The following NIPAL3 variants were observed in gnomAD, a reference collection of about 807,000 sequenced individuals.
NIPAL3 encodes the protein NIPA-like protein 3.
In NIPAL3, 41 loss-of-function variants were observed where a neutral mutation model predicts 47.2. The observed-to-expected ratio is 0.87, with a 90% CI of 0.68 to 1.13. NIPAL3 has a LOEUF of 1.13. Ranked by LOEUF, NIPAL3 falls within the 50% of genes most tolerant of loss-of-function variation. NIPAL3 has a pLI of 0.00. For missense variants in NIPAL3, 449 were observed against 530.1 expected, an observed-to-expected ratio of 0.85 and a Z score of 1.50; for synonymous variants, 194 against 209.6, an observed-to-expected ratio of 0.93 and a Z score of 0.64.
At chr1:24,448,102 A>G (rs1469013179) in intron 5 of NIPAL3, among the ~76,000 whole-genome samples, 3 of 152,180 alleles carry the variant, frequency 2.0e-5, no homozygotes, top group Non-Finnish European at 1.5e-5. Flanking sequence ...CCGTTTTTTG[A>G]GCACCTCCTA....
chr1:24,462,701 A>G (rs1239657972), intron 10 of NIPAL3, among the ~76,000 whole-genome samples: 3 of 152,192 alleles, frequency 2.0e-5, no homozygotes, highest in African/African-American at 7.2e-5. Context: ...CGAGCGGCAG[A>G]GGTTGCAGTG....
chr1:24,456,418 T>TTTGCTGAGTTGTCACC, intron 8 of NIPAL3, 145 bp downstream of exon 8: 1 of 1,198,446 alleles, frequency 8.3e-7, no homozygotes, highest in Non-Finnish European at 1.2e-6. Flanking sequence ...GAGCTGCTAA[T>TTTGCTGAGTTGTCACC]TTGCTGAGTT....
chr1:24,441,738 C>T (rs887587486), intron 3 of NIPAL3, among the ~76,000 whole-genome samples: 1 of 152,178 alleles, frequency 6.6e-6, no homozygotes, highest in East Asian at 1.9e-4. Context: ...TTGCCTGTGA[C>T]GTGCATTAGA....
intron 8 of NIPAL3, among the ~76,000 whole-genome samples, chr1:24,458,522 T>C (rs911257155): frequency 4.7e-5 from 7 of 148,522 alleles, no homozygotes; most frequent in African/African-American, 1.8e-4. Context: ...TAAGAGTTTC[T>C]GGGGGCAGGG....
chr1:24,425,705 A>T (rs1479697097), intron 2 of NIPAL3, among the ~76,000 whole-genome samples: 1 of 152,130 alleles, frequency 6.6e-6, no homozygotes, highest in Non-Finnish European at 1.5e-5. Flanking sequence ...GTTATTTTCT[A>T]GCATTATAAC....
intron 2 of NIPAL3, among the ~76,000 whole-genome samples, chr1:24,425,826 C>A (rs1405179647): frequency 6.6e-6 from 1 of 152,162 alleles, no homozygotes; most frequent in Non-Finnish European, 1.5e-5. Flanking sequence ...GCCTGCACCA[C>A]CCCCTGCTTC....
intron 11 of NIPAL3, among the ~76,000 whole-genome samples, chr1:24,468,595 C>T (rs1389620186): frequency 6.6e-6 from 1 of 152,164 alleles, no homozygotes; most frequent in Non-Finnish European, 1.5e-5. Flanking sequence ...ACCCTCTTTC[C>T]TCGACAGTGT....
In NIPAL3 at chr1:24,456,148, A is replaced by G. The variant is rs555660858; in HGVS notation, c.648A>G (p.Thr216=). ...LLLVALLGSM[T]VVTVKAVAGM... is the part of the protein sequence containing the mutation. ...GTCTCCCATCTGCAGGCTCCATGACAGTGGTGACAGTCAAGGCCGTGGCTG... is the reference window on the plus strand; with the variant it reads ...GTCTCCCATCTGCAGGCTCCATGACGGTGGTGACAGTCAAGGCCGTGGCTG... Residue 216 remains threonine (T), a synonymous_variant, in exon 8 of 12, where the codon ACA becomes ACG. Transcript: ENST00000374399. 3 of 1,614,198 alleles carry G rather than the reference A, an allele frequency of 1.9e-6. No individual in the cohort carries two copies. In the East Asian group the frequency reaches 6.7e-5, roughly 36 times the overall value.
rs545243187 is a variant in NIPAL3, at chr1:24,455,508, G to A, written c.638-630G>A. Among the ~76,000 whole-genome samples, 5 of 152,152 alleles carry A rather than the reference G, an allele frequency of 3.3e-5. 1 individual carries two copies. In the South Asian group the frequency reaches 1.0e-3, roughly 32 times the overall value. On this transcript the variant is annotated intron_variant, in intron 7 of 11. Transcript: ENST00000374399. ...CAGGGGTGTGCATTCCAAAACACTG[G>A]AGAAATGTTTTTAAAAATACAAGTG...
At chr1:24,457,899 C>A in intron 8 of NIPAL3, 1 of 480,784 alleles carries the variant, frequency 2.1e-6, no homozygotes. Flanking sequence ...ATTTTTGGTC[C>A]CACTACAACA....
intron 2 of NIPAL3, among the ~76,000 whole-genome samples, chr1:24,435,322 A>G (rs1172282772): frequency 6.6e-6 from 1 of 152,256 alleles, no homozygotes; most frequent in East Asian, 1.9e-4. Context: ...AAATCTTAGA[A>G]GAAAATAAAG....
chr1:24,437,841 G>A (rs557031539), intron 2 of NIPAL3, among the ~76,000 whole-genome samples: 65 of 152,238 alleles, frequency 4.3e-4, no homozygotes, highest in African/African-American at 1.5e-3. Flanking sequence ...GGGAGGGGGC[G>A]GAGGAGAGTC....
chr1:24,444,730 G>A (rs186663986), intron 4 of NIPAL3, among the ~76,000 whole-genome samples: 4 of 152,204 alleles, frequency 2.6e-5, no homozygotes, highest in South Asian at 4.2e-4. Context: ...GGAAAGAGCC[G>A]GGGGAAATGT....
chr1:24,413,537 C>T (rs1366963000), upstream of NIPAL3: 2 of 152,348 alleles, frequency 1.3e-5, no homozygotes, highest in Non-Finnish European at 2.9e-5. Context: ...GGGGCTCCAC[C>T]TAGCTCAGCC....
intron 4 of NIPAL3, among the ~76,000 whole-genome samples, chr1:24,443,928 A>G (rs1431709241): frequency 2.0e-5 from 3 of 152,104 alleles, no homozygotes; most frequent in Non-Finnish European, 4.4e-5. Context: ...AGGGCTCCCA[A>G]ACCTTTTTCA....
At chr1:24,455,157 A>G (rs918169372) in intron 7 of NIPAL3, among the ~76,000 whole-genome samples, 1 of 152,216 alleles carries the variant, frequency 6.6e-6, no homozygotes, top group Non-Finnish European at 1.5e-5. Flanking sequence ...AGAATAGGAA[A>G]GCAAAGCACA....
chr1:24,467,813 G>A (rs1175984266), intron 11 of NIPAL3, among the ~76,000 whole-genome samples: 3 of 151,898 alleles, frequency 2.0e-5, no homozygotes, highest in Non-Finnish European at 4.4e-5. Flanking sequence ...AGGATCATTT[G>A]AGCCCCAGGT....
intron 3 of NIPAL3, 29 bp from the exon 4 acceptor site, chr1:24,442,026 G>A (rs1174710103): frequency 6.2e-7 from 1 of 1,607,972 alleles, no homozygotes; most frequent in South Asian, 1.1e-5. Flanking sequence ...AAACATCTGA[G>A]CAAATTGCAT....
chr1:24,453,284 G>A (rs927216509), intron 6 of NIPAL3, 124 bp from the exon 7 acceptor site: 1 of 659,330 alleles, frequency 1.5e-6, no homozygotes, highest in Non-Finnish European at 2.7e-6. Context: ...GGGAAATGCT[G>A]AATCATAGCT....
Sources: gnomAD v4.1 joint callset for allele counts (sites outside exome capture counted in the v4.1 genomes callset) on GRCh38, gnomAD v4.1.1 for gene constraint, MANE v1.5 for transcripts, NCBI Gene and HGNC (gene_info 2026-07-23, HGNC 2026-07-21) for gene names.